The following KCNB2 variants were observed in gnomAD, a reference collection of about 807,000 sequenced individuals.
The protein encoded by KCNB2 is potassium voltage-gated channel subfamily B member 2.
Under a neutral mutation model 61.5 loss-of-function variants are expected in KCNB2, and 15 were observed. That is an observed-to-expected ratio of 0.24 (90% confidence interval 0.16 to 0.38). KCNB2 has a LOEUF of 0.38. Among genes scored for constraint, KCNB2 ranks in the 10% least tolerant of loss-of-function variants. The probability of loss-of-function intolerance (pLI) is 1.00; values close to 1 mark genes in which losing one functional copy is unlikely to be tolerated. For synonymous variants in KCNB2, 457 were observed against 446.0 expected (o/e 1.02, Z -0.31); for missense variants, 828 against 1,125.2 (o/e 0.74, Z 3.78).
chr8:72,807,141 C>T (rs1023697886), intron 2 of KCNB2, among the ~76,000 whole-genome samples: 10 of 152,162 alleles, frequency 6.6e-5, no homozygotes, highest in African/African-American at 2.4e-4. Flanking sequence ...ACTACCAGGC[C>T]TAAGTATGCA....
intron 2 of KCNB2, among the ~76,000 whole-genome samples, chr8:72,815,427 T>G (rs1809379548): frequency 6.6e-6 from 1 of 152,206 alleles, no homozygotes; most frequent in Admixed American, 6.5e-5. Context: ...CTTTCTCCTG[T>G]AGTAGCACTT....
At chr8:72,749,723 A>ATG (rs1272426079) in intron 2 of KCNB2, among the ~76,000 whole-genome samples, 1 of 146,866 alleles carries the variant, frequency 6.8e-6, no homozygotes, top group Non-Finnish European at 1.5e-5. Context: ...ATATATATAT[A>ATG]TAATATAATA....
At chr8:72,903,914 G>A (rs1806128917) in intron 2 of KCNB2, among the ~76,000 whole-genome samples, 1 of 152,056 alleles carries the variant, frequency 6.6e-6, no homozygotes, top group Non-Finnish European at 1.5e-5. Flanking sequence ...TGCCCTTGAC[G>A]AGACTCCATG....
chr8:72,831,559 T>C (rs1809696415), intron 2 of KCNB2, among the ~76,000 whole-genome samples: 1 of 152,230 alleles, frequency 6.6e-6, no homozygotes, highest in Non-Finnish European at 1.5e-5. Flanking sequence ...GAACATAAAT[T>C]GGCAGACATA....
intron 2 of KCNB2, among the ~76,000 whole-genome samples, chr8:72,764,846 T>C (rs1391489163): frequency 2.0e-5 from 3 of 152,162 alleles, no homozygotes; most frequent in African/African-American, 7.2e-5. Context: ...AACGGAAGCA[T>C]AGACCAGAAT....
At chr8:72,738,375 G>C (rs900121058) in intron 2 of KCNB2, among the ~76,000 whole-genome samples, 4 of 152,156 alleles carry the variant, frequency 2.6e-5, no homozygotes, top group Non-Finnish European at 4.4e-5. Context: ...TCTGGGAATT[G>C]ATCACCAAAT....
intron 2 of KCNB2, among the ~76,000 whole-genome samples, chr8:72,916,458 G>A (rs1475940234): frequency 6.6e-6 from 1 of 152,170 alleles, no homozygotes; most frequent in East Asian, 1.9e-4. Flanking sequence ...GCACCAGCAG[G>A]AGCAAAACTC....
chr8:72,799,115 T>A (rs776068093), intron 2 of KCNB2, among the ~76,000 whole-genome samples: 14 of 152,126 alleles, frequency 9.2e-5, no homozygotes, highest in Non-Finnish European at 1.9e-4. Context: ...GAAGACCACA[T>A]GAGAGTGCCC....
chr8:72,563,239 A>G (rs557498777), intron 1 of KCNB2, among the ~76,000 whole-genome samples: 5 of 152,324 alleles, frequency 3.3e-5, no homozygotes, highest in African/African-American at 9.6e-5. Flanking sequence ...AAAGGGGCAG[A>G]ATCACAGTGA....
At chr8:72,838,192 G>A (rs1306172133) in intron 2 of KCNB2, among the ~76,000 whole-genome samples, 1 of 152,032 alleles carries the variant, frequency 6.6e-6, no homozygotes, top group African/African-American at 2.4e-5. Flanking sequence ...CTGTATATGT[G>A]CCATGTTGGT....
At chr8:72,590,509 C>T (rs16938245) in intron 2 of KCNB2, among the ~76,000 whole-genome samples, 2,588 of 152,154 alleles carry the variant, frequency 0.017, 60 homozygotes, top group East Asian at 0.12. Flanking sequence ...CCACATGGCC[C>T]GTGAAAAGTG....
chr8:72,813,460 G>A (rs1809339988), intron 2 of KCNB2, among the ~76,000 whole-genome samples: 1 of 152,056 alleles, frequency 6.6e-6, no homozygotes, highest in Non-Finnish European at 1.5e-5. Context: ...TTTTGGTACA[G>A]AAACAGTAAA....
At chr8:72,687,536 G>A (rs780705074) in intron 2 of KCNB2, among the ~76,000 whole-genome samples, 4 of 152,100 alleles carry the variant, frequency 2.6e-5, no homozygotes, top group South Asian at 2.1e-4. Context: ...GGGTCACAAC[G>A]ATGGAACTCA....
rs533126529 is a variant in KCNB2, at chr8:72,589,981, T to G, written c.579+21668T>G. 2.0e-5 allele frequency among the ~76,000 whole-genome samples: 3 copies of G among 152,350 alleles called. No homozygotes were observed. In the South Asian group the frequency reaches 6.2e-4, roughly 32 times the overall value. On this transcript the variant is annotated intron_variant, in intron 2 of 2. Coordinates refer to ENST00000523207, the MANE Select transcript of KCNB2 (RefSeq NM_004770.3). The stretch of plus-strand genomic sequence containing the variant: ...GCTTTTATATTATAGCTCATTAGGC[T>G]CTTATAATGATTTTTACAGTGTATG...
chr8:72,904,796 C>T (rs1179277189), intron 2 of KCNB2, among the ~76,000 whole-genome samples: 2 of 151,870 alleles, frequency 1.3e-5, no homozygotes, highest in East Asian at 1.9e-4. Context: ...ATATTATCAT[C>T]CCTTGCTCAA....
chr8:72,661,025 C>CA, intron 2 of KCNB2: 1 of 152,020 alleles, frequency 6.6e-6, no homozygotes, highest in Non-Finnish European at 1.5e-5. Flanking sequence ...TTTTATTTTT[C>CA]AAATACATTT....
chr8:72,918,619 A>T (rs1307593973), intron 2 of KCNB2, among the ~76,000 whole-genome samples: 6 of 152,182 alleles, frequency 3.9e-5, no homozygotes. Flanking sequence ...TTTATAAATA[A>T]TGTGGCAAAA....
chr8:72,642,539 C>G (rs1055075782), intron 2 of KCNB2, among the ~76,000 whole-genome samples: 41 of 152,072 alleles, frequency 2.7e-4, no homozygotes, highest in African/African-American at 9.9e-4. Flanking sequence ...TGACTGGGTT[C>G]ATAACCTGTG....
chr8:72,893,034 G>A (rs1805926420), intron 2 of KCNB2, among the ~76,000 whole-genome samples: 1 of 151,586 alleles, frequency 6.6e-6, no homozygotes, highest in Non-Finnish European at 1.5e-5. Flanking sequence ...TTTGACCTTA[G>A]GATAGTGAAT....
Sources: allele counts gnomAD v4.1 joint callset (sites outside exome capture counted in the v4.1 genomes callset), GRCh38; gene constraint gnomAD v4.1.1; transcripts MANE v1.5; gene names NCBI Gene and HGNC (gene_info 2026-07-23, HGNC 2026-07-21).